Variants in SLC26A3 observed in about 807,000 individuals in gnomAD.
The protein encoded by SLC26A3 is chloride anion exchanger.
A neutral mutation model predicts 85.6 loss-of-function variants in SLC26A3; 64 were observed. The ratio of observed to expected loss-of-function variants is 0.75; its 90% CI spans 0.61 to 0.92. SLC26A3 has a LOEUF of 0.92. Among genes scored for constraint, SLC26A3 ranks in the 40% least tolerant of loss-of-function variants. The probability of loss-of-function intolerance (pLI) is 0.00; values close to 1 mark genes in which losing one functional copy is unlikely to be tolerated. For synonymous variants in SLC26A3, 349 were observed against 336.0 expected (o/e 1.04, Z -0.42); for missense variants, 922 against 927.3 (o/e 0.99, Z 0.07).
intron 1 of SLC26A3, among the ~76,000 whole-genome samples, chr7:107,796,870 T>C (rs975981557): frequency 1.3e-5 from 2 of 152,234 alleles, no homozygotes; most frequent in Non-Finnish European, 2.9e-5. Context: ...GCTCTTTGCT[T>C]GCTTTACTCA....
chr7:107,774,088 T>C lies in SLC26A3; in HGVS notation c.1839A>G (p.Ile613Met). The C allele has an allele frequency of 6.2e-7, 1 of 1,614,206 alleles. No individual in the cohort carries two copies. Among genetic ancestry groups the C allele is most frequent in the Non-Finnish European group, 8.5e-7 (1 of 1,180,032 alleles). The change falls in exon 17 of 21, where the codon ATA (isoleucine) becomes ATG (methionine). Residue 613 changes from isoleucine to methionine, a missense_variant. Transcript: ENST00000340010. ...TATTGATTGGCTGGTCCAGTACTTCTATCTGATTGTTGTCCAGCTCTTCGT... is the reference window on the plus strand; with the variant it reads ...TATTGATTGGCTGGTCCAGTACTTCCATCTGATTGTTGTCCAGCTCTTCGT... ...DSDEELDNNQ[I>M]EVLDQPINTT...
chr7:107,773,003 G>C (rs1794051855), intron 17 of SLC26A3, among the ~76,000 whole-genome samples: 4 of 152,134 alleles, frequency 2.6e-5, no homozygotes, highest in Admixed American at 1.3e-4. Context: ...CCAAGAAAAA[G>C]AGAGAAAGAT....
At chr7:107,774,185 T>G in intron 16 of SLC26A3, 32 bp from the exon 17 acceptor site, 3 of 1,529,976 alleles carry the variant, frequency 2.0e-6, no homozygotes, top group Non-Finnish European at 2.7e-6. Flanking sequence ...ATGAAAACTG[T>G]GACCAAGAAA....
intron 5 of SLC26A3, among the ~76,000 whole-genome samples, chr7:107,790,544 C>T (rs918745009): frequency 2.6e-5 from 4 of 152,122 alleles, no homozygotes; most frequent in Non-Finnish European, 4.4e-5. Flanking sequence ...TGTCAGCATA[C>T]GGCTTGGAAG....
At chr7:107,773,733 T>C (rs1337072659) in intron 17 of SLC26A3, among the ~76,000 whole-genome samples, 187 bp downstream of exon 17, 1 of 152,180 alleles carries the variant, frequency 6.6e-6, no homozygotes, top group Non-Finnish European at 1.5e-5. Context: ...GTATTTTTAG[T>C]AGAGACGGGG....
intron 16 of SLC26A3, 127 bp from the exon 17 acceptor site, chr7:107,774,280 G>A: frequency 1.3e-6 from 1 of 778,544 alleles, no homozygotes; most frequent in Non-Finnish European, 2.2e-6. Context: ...GACTAGGTGT[G>A]GTGGCTCATG....
At position 107,789,650 on chromosome 7, in the gene SLC26A3, T is replaced by C; in HGVS notation, c.609A>G (p.Ile203Met). ...CACTGATGAGGGACTCAGACAGGTA[T>C]ATCACTACAAATCCAATCCGCAGAA... ...FGILRIGFVV[I>M]YLSESLISGF... Residue 203 changes from isoleucine to methionine, a missense_variant, in exon 6 of 21, where the codon ATA (isoleucine) becomes ATG (methionine). Transcript: ENST00000340010. The C allele has an allele frequency of 1.2e-6, 2 of 1,614,036 alleles. No individual in the cohort carries two copies. Among genetic ancestry groups the C allele is most frequent in the Non-Finnish European group, 1.7e-6 (2 of 1,179,998 alleles).
chr7:107,775,631 C>A (rs1387440409), intron 15 of SLC26A3, among the ~76,000 whole-genome samples: 1 of 150,454 alleles, frequency 6.6e-6, no homozygotes, highest in African/African-American at 2.5e-5. Context: ...ACTTGGGGGG[C>A]TGAGGTAGGG....
chr7:107,788,751 T>TTTTTC (rs1247447126), intron 6 of SLC26A3, among the ~76,000 whole-genome samples: 7 of 151,422 alleles, frequency 4.6e-5, no homozygotes, highest in Admixed American at 2.6e-4. Context: ...TTCGTTTCCT[T>TTTTTC]TTTTCTTTTC....
rs141624890 is a variant in SLC26A3 at position 107,784,506 on chromosome 7, A to T, written c.972-1154T>A. On this transcript the variant is annotated intron_variant, in intron 8 of 20. Coordinates refer to ENST00000340010, the MANE Select transcript of SLC26A3 (RefSeq NM_000111.3). ...TTTCCCAGGCTGGAGTGCACAGCTCACTGCAACCTCCACTGTCCAGGCTCA... is the reference window on the plus strand; with the variant it reads ...TTTCCCAGGCTGGAGTGCACAGCTCTCTGCAACCTCCACTGTCCAGGCTCA... Among the ~76,000 whole-genome samples, 54 of 152,248 alleles carry T rather than the reference A, an allele frequency of 3.5e-4. 1 individual carries two copies. Among genetic ancestry groups the T allele is most frequent in the Non-Finnish European group, 2.9e-5 (2 of 68,016 alleles).
At chr7:107,788,122 A>C (rs536341102) in intron 6 of SLC26A3, among the ~76,000 whole-genome samples, 148 of 152,068 alleles carry the variant, frequency 9.7e-4, no homozygotes, top group Middle Eastern at 3.4e-3. Context: ...CTTCTAGAAC[A>C]CTCCACTTTT....
intron 11 of SLC26A3, among the ~76,000 whole-genome samples, chr7:107,782,448 T>C (rs1044232864): frequency 6.6e-6 from 1 of 152,142 alleles, no homozygotes; most frequent in Non-Finnish European, 1.5e-5. Flanking sequence ...CTGAATTAGA[T>C]AGAGGGCCTG....
rs1212224839 is a variant in SLC26A3, at chr7:107,791,916, T to C, written c.296A>G (p.Asp99Gly). 5 of 1,613,312 alleles carry C rather than the reference T, an allele frequency of 3.1e-6. No homozygotes were observed. Among genetic ancestry groups the C allele is most frequent in the Non-Finnish European group, 3.4e-6 (4 of 1,179,288 alleles). ...ATACAACCCATAGACTGGGGGAATGTCGACCAGCAGAGCAAATGCTAAACC... is the reference window on the plus strand; with the variant it reads ...ATACAACCCATAGACTGGGGGAATGCCGACCAGCAGAGCAAATGCTAAACC... ...LQGLAFALLV[D>G]IPPVYGLYAS... The change falls in exon 4 of 21, where the codon GAC (aspartate) becomes GGC (glycine). Residue 99 changes from aspartate to glycine, a missense_variant. Transcript: ENST00000340010.
chr7:107,769,268 G>A (rs1157752599), intron 18 of SLC26A3, among the ~76,000 whole-genome samples: 6 of 151,984 alleles, frequency 3.9e-5, no homozygotes, highest in African/African-American at 2.4e-5. Context: ...TTATAAAGAC[G>A]CATGCATGCA....
At chr7:107,790,902 T>G (rs901247606) in intron 5 of SLC26A3, 146 bp downstream of exon 5, 2 of 853,172 alleles carry the variant, frequency 2.3e-6, no homozygotes, top group Non-Finnish European at 3.8e-6. Context: ...GAGTGACCCT[T>G]CGTACAGTAT....
intron 13 of SLC26A3, among the ~76,000 whole-genome samples, chr7:107,777,366 G>A (rs968779237): frequency 1.2e-4 from 18 of 152,088 alleles, no homozygotes; most frequent in African/African-American, 4.1e-4. Flanking sequence ...AGGCTAAGTC[G>A]GGCGGATCAC....
At chr7:107,775,031 C>T (rs1465815832) in intron 15 of SLC26A3, among the ~76,000 whole-genome samples, 159 bp from the exon 16 acceptor site, 2 of 152,194 alleles carry the variant, frequency 1.3e-5, no homozygotes, top group African/African-American at 4.8e-5. Flanking sequence ...TCAGCCAGAA[C>T]ATTGGGTCAG....
chr7:107,799,081 C>T (rs890693396), intron 1 of SLC26A3, among the ~76,000 whole-genome samples: 3 of 152,066 alleles, frequency 2.0e-5, no homozygotes, highest in African/African-American at 7.2e-5. Flanking sequence ...ATGATGGCAT[C>T]AGAATGGGAG....
At chr7:107,794,276 G>C in intron 2 of SLC26A3, 103 bp downstream of exon 2, 1 of 1,299,588 alleles carries the variant, frequency 7.7e-7, no homozygotes, top group Non-Finnish European at 1.1e-6. Flanking sequence ...AGGACTGTAG[G>C]CTGTGGACTA....
Sources: allele counts gnomAD v4.1 joint callset (sites outside exome capture counted in the v4.1 genomes callset), GRCh38; gene constraint gnomAD v4.1.1; transcripts MANE v1.5; gene names NCBI Gene and HGNC (gene_info 2026-07-23, HGNC 2026-07-21).